The following CPQ variants were observed in gnomAD, a reference collection of about 807,000 sequenced individuals.
CPQ encodes the protein carboxypeptidase Q.
Under a neutral mutation model 45.7 loss-of-function variants are expected in CPQ, and 37 were observed. The ratio of observed to expected loss-of-function variants is 0.81; its 90% CI spans 0.62 to 1.07. The LOEUF is 1.07. Ranked by LOEUF, CPQ falls within the 50% of genes least tolerant of loss-of-function variation. The pLI is 0.00. For synonymous variants in CPQ, 186 were observed against 205.8 expected (o/e 0.90, Z 0.82); for missense variants, 537 against 572.9 (o/e 0.94, Z 0.64).
chr8:96,816,064 G>A (rs1811225315), intron 2 of CPQ, among the ~76,000 whole-genome samples: 1 of 152,054 alleles, frequency 6.6e-6, no homozygotes, highest in East Asian at 1.9e-4. Flanking sequence ...AATGAAGTTT[G>A]CTGCAATGAA....
intron 1 of CPQ, among the ~76,000 whole-genome samples, chr8:96,753,846 T>C (rs1810293708): frequency 6.6e-6 from 1 of 151,994 alleles, no homozygotes; most frequent in South Asian, 2.1e-4. Flanking sequence ...GCTTTAATAA[T>C]TTGCAGCTAA....
At chr8:96,710,306 C>G (rs1446512530) in intron 1 of CPQ, among the ~76,000 whole-genome samples, 1 of 151,896 alleles carries the variant, frequency 6.6e-6, no homozygotes, top group African/African-American at 2.4e-5. Flanking sequence ...TTTTAAAGAA[C>G]CAACTTTTTG....
intron 7 of CPQ, among the ~76,000 whole-genome samples, chr8:97,122,887 T>TAA (rs1469526092): frequency 1.9e-5 from 1 of 52,698 alleles, no homozygotes; most frequent in Non-Finnish European, 2.9e-5. Context: ...TCTGTCTCAA[T>TAA]AAAATAAAAT....
intron 7 of CPQ, among the ~76,000 whole-genome samples, chr8:97,127,201 T>C (rs1335827138): frequency 6.6e-6 from 1 of 152,104 alleles, no homozygotes; most frequent in Non-Finnish European, 1.5e-5. Context: ...CTTTGGAAGA[T>C]ATCATTAAGA....
chr8:96,970,300 G>C (rs1411194913), intron 5 of CPQ, among the ~76,000 whole-genome samples: 1 of 152,090 alleles, frequency 6.6e-6, no homozygotes, highest in East Asian at 1.9e-4. Flanking sequence ...CTCCCCACTG[G>C]GTTTAGCCAT....
At chr8:96,850,584 T>TTTTTTTTATTTA (rs1554572916) in intron 3 of CPQ, among the ~76,000 whole-genome samples, 52 of 136,634 alleles carry the variant, frequency 3.8e-4, no homozygotes, top group South Asian at 7.0e-4. Flanking sequence ...TTTTATTTTA[T>TTTTTTTTATTTA]TTTATTTATT....
intron 1 of CPQ, among the ~76,000 whole-genome samples, chr8:96,645,608 T>G: frequency 6.6e-6 from 1 of 151,392 alleles, no homozygotes; most frequent in Non-Finnish European, 1.5e-5. Flanking sequence ...GCCCCTTCGG[T>G]GACAGTGGAG....
intron 7 of CPQ, among the ~76,000 whole-genome samples, chr8:97,129,364 C>G (rs532954497): frequency 6.6e-6 from 1 of 152,188 alleles, no homozygotes; most frequent in African/African-American, 2.4e-5. Context: ...GACTCTTTTG[C>G]TTATAATCAT....
chr8:96,911,331 C>A (rs1308013992), intron 4 of CPQ, among the ~76,000 whole-genome samples: 2 of 152,170 alleles, frequency 1.3e-5, no homozygotes, highest in East Asian at 3.9e-4. Flanking sequence ...TTGTTCCTGC[C>A]AAGTTTATGT....
chr8:97,142,510 T>C (rs1382196840), intron 7 of CPQ, among the ~76,000 whole-genome samples: 1 of 152,226 alleles, frequency 6.6e-6, no homozygotes, highest in African/African-American at 2.4e-5. Flanking sequence ...ACCAGGAAGG[T>C]ACATAATTTG....
At chr8:96,781,025 A>G (rs1204172131) in intron 1 of CPQ, among the ~76,000 whole-genome samples, 1 of 151,708 alleles carries the variant, frequency 6.6e-6, no homozygotes, top group Admixed American at 6.6e-5. Flanking sequence ...TTATTTTAGA[A>G]TTTTTTCTTA....
At chr8:96,831,732 A>G (rs969368829) in intron 2 of CPQ, among the ~76,000 whole-genome samples, 34 of 152,182 alleles carry the variant, frequency 2.2e-4, no homozygotes, top group Non-Finnish European at 7.4e-5. Flanking sequence ...GGAGGAGGTC[A>G]TCACCATGGC....
At chr8:97,109,136 C>T (rs1435192871) in intron 7 of CPQ, among the ~76,000 whole-genome samples, 2 of 152,208 alleles carry the variant, frequency 1.3e-5, no homozygotes, top group Non-Finnish European at 2.9e-5. Flanking sequence ...CTTGACCCTT[C>T]CCCACCCTTC....
intron 6 of CPQ, among the ~76,000 whole-genome samples, chr8:97,055,269 C>T (rs1188562044): frequency 6.6e-6 from 1 of 152,198 alleles, no homozygotes; most frequent in Non-Finnish European, 1.5e-5. Flanking sequence ...TGATGTCTCA[C>T]TCCCCTCTCT....
chr8:96,807,992 C>T (rs557126710), intron 2 of CPQ, among the ~76,000 whole-genome samples: 2 of 152,310 alleles, frequency 1.3e-5, no homozygotes, highest in African/African-American at 4.8e-5. Context: ...AAGAAAAGCA[C>T]GCTTTTTGTG....
intron 3 of CPQ, among the ~76,000 whole-genome samples, chr8:96,855,343 T>G (rs1811831958): frequency 6.6e-6 from 1 of 152,130 alleles, no homozygotes; most frequent in African/African-American, 2.4e-5. Flanking sequence ...AACAGGCAGC[T>G]GCTGAGGAGG....
chr8:97,099,225 G>A lies in CPQ; in HGVS notation c.1255+33015G>A, dbSNP rs1289490357. Among the ~76,000 whole-genome samples the A allele has an allele frequency of 2.2e-5, 3 of 134,136 alleles. No homozygotes were observed. The East Asian group carries it at 7.4e-4, about 33-fold the overall frequency. The allele number at this position is 134,136 out of a possible 152,430, so 88.0% of individuals were successfully genotyped here. ...AGCTCACTGCAACATCCACCTCCCA[G>A]ATTCAAGGGATCCTCCTGCCTCTGC... On this transcript the variant is annotated intron_variant, in intron 7 of 7. Coordinates refer to ENST00000220763, the MANE Select transcript of CPQ (RefSeq NM_016134.4).
At position 96,872,373 on chromosome 8, in the gene CPQ, A is replaced by G. The variant is rs190691912; in HGVS notation, c.642-7425A>G. On this transcript the variant is annotated intron_variant, in intron 3 of 7. Transcript: ENST00000220763. ...GTTGGTGCTCAAAAAGTTTCAGAGC[A>G]TTTGGGATTTTGGATTTTTGGATTA... is the stretch of plus-strand genomic sequence containing the variant. Among the ~76,000 whole-genome samples the G allele has an allele frequency of 6.3e-3, 957 of 152,048 alleles. 16 individuals are homozygous for G. The highest frequency in any genetic ancestry group is 0.022 in the African/African-American group (915 of 41,506).
At chr8:97,117,574 C>T (rs914272489) in intron 7 of CPQ, among the ~76,000 whole-genome samples, 1 of 152,006 alleles carries the variant, frequency 6.6e-6, no homozygotes, top group African/African-American at 2.4e-5. Context: ...TGCCCTGTAC[C>T]CAGGCTTGAG....
Sources: gnomAD v4.1 joint callset for allele counts (sites outside exome capture counted in the v4.1 genomes callset) on GRCh38, gnomAD v4.1.1 for gene constraint, MANE v1.5 for transcripts, NCBI Gene and HGNC (gene_info 2026-07-23, HGNC 2026-07-21) for gene names.